Variants in RNF38 observed in about 807,000 individuals in gnomAD.
The protein encoded by RNF38 is E3 ubiquitin-protein ligase RNF38.
Under a neutral mutation model 67.2 loss-of-function variants are expected in RNF38, and 15 were observed. That is an observed-to-expected ratio of 0.22 (90% CI 0.15 to 0.34). The LOEUF (loss-of-function observed/expected upper bound fraction) is 0.34. RNF38 is among the 10% of genes least tolerant of loss of function. RNF38 has a pLI of 1.00. For synonymous variants in RNF38, 220 were observed against 218.8 expected (o/e 1.01, Z -0.05); for missense variants, 524 against 639.9 (o/e 0.82, Z 1.95).
intron 2 of RNF38, among the ~76,000 whole-genome samples, chr9:36,412,800 C>T (rs1055948971): frequency 5.9e-5 from 9 of 151,890 alleles, no homozygotes; most frequent in Admixed American, 3.3e-4. Context: ...GGGTCAGGCG[C>T]GGTGGTTCAC....
intron 2 of RNF38, among the ~76,000 whole-genome samples, chr9:36,389,941 T>A (rs1008069760): frequency 2.6e-5 from 4 of 152,216 alleles, no homozygotes; most frequent in African/African-American, 9.7e-5. Context: ...ATCTTGTTAA[T>A]AACCTAATGA....
intron 2 of RNF38, among the ~76,000 whole-genome samples, chr9:36,383,799 C>T (rs950650083): frequency 6.6e-6 from 1 of 151,252 alleles, no homozygotes; most frequent in African/African-American, 2.4e-5. Flanking sequence ...CTCTTTGATA[C>T]GTGCCAAGTT....
chr9:36,419,189 T>C (rs557112746), intron 2 of RNF38, among the ~76,000 whole-genome samples: 1 of 152,218 alleles, frequency 6.6e-6, no homozygotes, highest in South Asian at 2.1e-4. Context: ...AACGCAAATA[T>C]ACAAAACCTG....
chr9:36,363,192 G>A lies in RNF38; in HGVS notation c.571-5250C>T, dbSNP rs1426777801. ...GGGCTCGAGGGATCCTCCAGCCTCC[G>A]CCTCCTAAGTAGATGGGACTACAGT... On this transcript the variant is annotated intron_variant, in intron 4 of 11. Coordinates refer to ENST00000259605, the MANE Select transcript of RNF38 (RefSeq NM_022781.5). 3.0e-5 allele frequency among the ~76,000 whole-genome samples: 3 copies of A among 99,550 alleles called. 1 individual carries two copies. Among genetic ancestry groups the A allele is most frequent in the Non-Finnish European group, 5.2e-5 (2 of 38,372 alleles). The allele number at this position is 99,550 out of a possible 152,430, so 65.3% of individuals were successfully genotyped here. A position where few individuals can be genotyped will look rare whatever the true frequency, so the allele number is the denominator to read the frequency against.
At chr9:36,375,694 T>C (rs1037483374) in intron 3 of RNF38, among the ~76,000 whole-genome samples, 5 of 152,218 alleles carry the variant, frequency 3.3e-5, no homozygotes, top group African/African-American at 1.2e-4. Context: ...GCTAATTTCA[T>C]ATATAATGGC....
At chr9:36,386,465 T>A (rs1836645683) in intron 2 of RNF38, among the ~76,000 whole-genome samples, 1 of 152,268 alleles carries the variant, frequency 6.6e-6, no homozygotes, top group African/African-American at 2.4e-5. Flanking sequence ...GTATAGCTTT[T>A]CAAATTTTCA....
chr9:36,486,134 C>A (rs994117732), intron 1 of RNF38, among the ~76,000 whole-genome samples: 2 of 152,072 alleles, frequency 1.3e-5, no homozygotes, highest in African/African-American at 2.4e-5. Flanking sequence ...TGACTGAATA[C>A]CCTCTCCTTT....
chr9:36,356,666 T>C (rs1834127928), intron 5 of RNF38, among the ~76,000 whole-genome samples, 193 bp from the exon 6 acceptor site: 1 of 151,512 alleles, frequency 6.6e-6, no homozygotes, highest in Non-Finnish European at 1.5e-5. Context: ...TAATAACTAT[T>C]CTGTATTTTA....
chr9:36,418,829 G>A (rs562803531), intron 2 of RNF38, among the ~76,000 whole-genome samples: 42 of 152,072 alleles, frequency 2.8e-4, no homozygotes, highest in Non-Finnish European at 5.3e-4. Flanking sequence ...GCATGGTGGT[G>A]GTGCATGCCT....
chr9:36,473,988 G>GAA (rs34189537), intron 1 of RNF38, among the ~76,000 whole-genome samples: 12 of 72,732 alleles, frequency 1.6e-4, no homozygotes, highest in East Asian at 4.5e-4. Context: ...TCCATCTCGG[G>GAA]AAAAAAAAAA....
chr9:36,468,990 T>C (rs1013762261), intron 1 of RNF38, among the ~76,000 whole-genome samples: 18 of 152,180 alleles, frequency 1.2e-4, no homozygotes, highest in African/African-American at 3.9e-4. Flanking sequence ...CAGGTGCCTG[T>C]AGTCCCAGCT....
chr9:36,356,218 G>C, intron 6 of RNF38, 85 bp downstream of exon 6: 1 of 1,308,120 alleles, frequency 7.6e-7, no homozygotes, highest in Non-Finnish European at 1.1e-6. Context: ...AATCCACTAA[G>C]GTTATATACC....
chr9:36,375,666 C>T (rs1218990297), intron 3 of RNF38, among the ~76,000 whole-genome samples: 1 of 152,216 alleles, frequency 6.6e-6, no homozygotes, highest in Non-Finnish European at 1.5e-5. Context: ...TAGTCCACAA[C>T]AATCTGTACC....
chr9:36,414,051 C>T (rs151079359), intron 2 of RNF38, among the ~76,000 whole-genome samples: 13 of 152,210 alleles, frequency 8.5e-5, no homozygotes, highest in East Asian at 7.7e-4. Context: ...ATAGCGACTC[C>T]GGATAGCGAC....
chr9:36,451,005 C>G (rs1839424137), intron 1 of RNF38, among the ~76,000 whole-genome samples: 1 of 152,174 alleles, frequency 6.6e-6, no homozygotes, highest in Non-Finnish European at 1.5e-5. Flanking sequence ...TCCCCAATTC[C>G]AAATAAAGTA....
chr9:36,382,073 G>A (rs1836251738), intron 2 of RNF38, among the ~76,000 whole-genome samples: 1 of 152,160 alleles, frequency 6.6e-6, no homozygotes, highest in African/African-American at 2.4e-5. Flanking sequence ...GATGATGCTT[G>A]GATAATTTAG....
rs150952347 is a variant in RNF38 at position 36,442,912 on chromosome 9, T to C, written n.242-18229A>G. Reference sequence around the variant, plus strand: ...CTTCCAAGAATAGGCTACAAGTGGCTGGCTCCTAAGCCCTGCCTAGTTGCT... The same window carrying C: ...CTTCCAAGAATAGGCTACAAGTGGCCGGCTCCTAAGCCCTGCCTAGTTGCT... On this transcript the variant is annotated intron_variant and non_coding_transcript_variant, in intron 1 of 3. Transcript: ENST00000488058. 4.5e-3 allele frequency among the ~76,000 whole-genome samples: 687 copies of C among 152,352 alleles called. 7 individuals carry two copies. Among genetic ancestry groups the C allele is most frequent in the African/African-American group, 0.015 (638 of 41,578 alleles).
chr9:36,445,448 A>G (rs1839278523), intron 1 of RNF38, among the ~76,000 whole-genome samples: 1 of 152,206 alleles, frequency 6.6e-6, no homozygotes, highest in African/African-American at 2.4e-5. Context: ...CATATTAATA[A>G]TTTTACAACT....
intron 2 of RNF38, among the ~76,000 whole-genome samples, chr9:36,378,513 ATCATGATCAT>A (rs924458732): frequency 1.3e-5 from 2 of 152,094 alleles, no homozygotes; most frequent in African/African-American, 4.8e-5. Context: ...CTAGTAACGA[ATCATGATCAT>A]TAGCTTTTCA....
Sources: allele counts gnomAD v4.1 joint callset (sites outside exome capture counted in the v4.1 genomes callset), GRCh38; gene constraint gnomAD v4.1.1; transcripts MANE v1.5; gene names NCBI Gene and HGNC (gene_info 2026-07-23, HGNC 2026-07-21).